The following PGAP1 variants were observed in gnomAD, a reference collection of about 807,000 sequenced individuals.
PGAP1 encodes the protein post-GPI attachment to proteins inositol deacylase 1, also known as GPI inositol-deacylase.
A neutral mutation model predicts 127.0 loss-of-function variants in PGAP1; 76 were observed. The ratio of observed to expected loss-of-function variants is 0.60; its 90% CI spans 0.50 to 0.72. The LOEUF is 0.72. Among genes scored for constraint, PGAP1 ranks in the 30% least tolerant of loss-of-function variants. The pLI is 0.00. For missense variants in PGAP1, 982 were observed against 1,071.3 expected, an observed-to-expected ratio of 0.92 and a Z score of 1.16; for synonymous variants, 362 against 366.5, an observed-to-expected ratio of 0.99 and a Z score of 0.14.
At chr2:196,848,165 A>G (rs1426416459) in intron 20 of PGAP1, 128 bp from the exon 21 acceptor site, 1 of 477,516 alleles carries the variant, frequency 2.1e-6, no homozygotes, top group Non-Finnish European at 3.6e-6. Context: ...ACTATCACAG[A>G]GACTCTTCTT....
At chr2:196,876,079 A>G (rs950629083) in intron 13 of PGAP1, among the ~76,000 whole-genome samples, 1 of 152,150 alleles carries the variant, frequency 6.6e-6, no homozygotes, top group Non-Finnish European at 1.5e-5. Flanking sequence ...ACAGATTCAT[A>G]GCAGTTTTTT....
intron 10 of PGAP1, 24 bp downstream of exon 10, chr2:196,890,804 C>T: frequency 7.3e-7 from 1 of 1,368,236 alleles, no homozygotes; most frequent in Non-Finnish European, 1.0e-6. Flanking sequence ...CTTAAATTTA[C>T]ATAAAATGTA....
In PGAP1 at chr2:196,847,141, A is replaced by G; in HGVS notation, c.2012T>C (p.Ile671Thr). The change falls in exon 22 of 27, where the codon ATT (isoleucine) becomes ACT (threonine). Residue 671 changes from isoleucine (I) to threonine (T), a missense_variant. By Grantham distance (89) the Ile-to-Thr change is moderately conservative. Coordinates refer to ENST00000354764, the MANE Select transcript of PGAP1 (RefSeq NM_024989.4). ...GAAACACATACTCTGACAAGTTAAA[A>G]TGACGGCATCTAATTCTGGTAACAA... ...VLLLPELDAV[I>T]LTCQSMCFPL... is the part of the protein sequence containing the mutation. 1 of 1,613,326 alleles carries G rather than the reference A, an allele frequency of 6.2e-7. No homozygotes were observed. Among genetic ancestry groups the G allele is most frequent in the Non-Finnish European group, 8.5e-7 (1 of 1,179,514 alleles).
At chr2:196,866,901 T>C (rs984426641) in intron 19 of PGAP1, among the ~76,000 whole-genome samples, 3 of 151,894 alleles carry the variant, frequency 2.0e-5, no homozygotes, top group Non-Finnish European at 2.9e-5. Flanking sequence ...CATCGTCTGG[T>C]CATTAGAGAA....
At chr2:196,847,463 T>TA (rs1433737043) in intron 21 of PGAP1, 1 of 221,120 alleles carries the variant, frequency 4.5e-6, no homozygotes, top group African/African-American at 2.3e-5. Flanking sequence ...ATGTTCTTTT[T>TA]TTTTTTTTTT....
At chr2:196,880,536 T>C (rs1701697644) in intron 12 of PGAP1, among the ~76,000 whole-genome samples, 1 of 152,174 alleles carries the variant, frequency 6.6e-6, no homozygotes, top group East Asian at 1.9e-4. Context: ...TGGTAGTATA[T>C]AACACAAAAC....
intron 20 of PGAP1, among the ~76,000 whole-genome samples, chr2:196,850,062 C>A (rs1700672878): frequency 6.6e-6 from 1 of 152,106 alleles, no homozygotes; most frequent in Non-Finnish European, 1.5e-5. Flanking sequence ...TATGTATTTC[C>A]TCATCTTTTT....
At chr2:196,884,186 A>T (rs896600012) in intron 12 of PGAP1, among the ~76,000 whole-genome samples, 16 of 152,196 alleles carry the variant, frequency 1.1e-4, no homozygotes, top group Non-Finnish European at 2.1e-4. Flanking sequence ...TGGATAGAAC[A>T]TCCAAATTAA....
chr2:196,880,662 C>T (rs1001680739), intron 12 of PGAP1, among the ~76,000 whole-genome samples: 2 of 152,102 alleles, frequency 1.3e-5, no homozygotes, highest in South Asian at 4.1e-4. Context: ...GGCATATCTG[C>T]ACATCATCCC....
chr2:196,913,120 C>G (rs1702888042), intron 3 of PGAP1, 67 bp from the exon 4 acceptor site: 2 of 1,449,368 alleles, frequency 1.4e-6, no homozygotes, highest in East Asian at 4.6e-5. Flanking sequence ...AAATATTTCT[C>G]TCTGCATATG....
At chr2:196,912,588 A>T (rs1576194828) in intron 4 of PGAP1, among the ~76,000 whole-genome samples, 1 of 122,370 alleles carries the variant, frequency 8.2e-6, no homozygotes, top group Non-Finnish European at 1.7e-5. Context: ...TTTAAAAAAA[A>T]AAAAAAAAAA....
At chr2:196,861,507 C>T (rs1559338787) in intron 20 of PGAP1, among the ~76,000 whole-genome samples, 1 of 152,116 alleles carries the variant, frequency 6.6e-6, no homozygotes. Flanking sequence ...TAAAAGTGGC[C>T]AAAAGATCTG....
intron 3 of PGAP1, among the ~76,000 whole-genome samples, chr2:196,913,456 A>G (rs56964997): frequency 0.1 from 15,528 of 152,286 alleles, 944 homozygotes; most frequent in African/African-American, 0.17. Context: ...AGACAATTAC[A>G]GTTGCGATAG....
chr2:196,878,457 C>T (rs1340585915), intron 13 of PGAP1, among the ~76,000 whole-genome samples: 5 of 152,148 alleles, frequency 3.3e-5, no homozygotes, highest in African/African-American at 7.2e-5. Context: ...TTAGATGGCG[C>T]GTCCTCATTA....
chr2:196,914,254 T>G (rs545575309), intron 3 of PGAP1, among the ~76,000 whole-genome samples: 1 of 152,302 alleles, frequency 6.6e-6, no homozygotes, highest in African/African-American at 2.4e-5. Context: ...CTCTTAAAAA[T>G]AAAAATAACT....
intron 13 of PGAP1, among the ~76,000 whole-genome samples, chr2:196,876,981 T>G (rs1224948456): frequency 2.0e-5 from 3 of 152,094 alleles, no homozygotes; most frequent in Admixed American, 1.3e-4. Context: ...GATTACTCAT[T>G]ACATTTTTTA....
chr2:196,897,519 T>C lies in PGAP1; in HGVS notation c.861-322A>G, dbSNP rs573583140. 1.5e-3 allele frequency among the ~76,000 whole-genome samples: 234 copies of C among 152,304 alleles called. 1 individual carries two copies. Among genetic ancestry groups the C allele is most frequent in the African/African-American group, 5.3e-3 (222 of 41,562 alleles). On this transcript the variant is annotated intron_variant, in intron 6 of 26. Coordinates refer to ENST00000354764, the MANE Select transcript of PGAP1 (RefSeq NM_024989.4). The stretch of plus-strand genomic sequence containing the variant: ...TGAAGTATGTCATTCTAGCAGATAC[T>C]ACTGCTCGCACAGCCAGAGAAAAGT...
intron 19 of PGAP1, among the ~76,000 whole-genome samples, chr2:196,870,165 CT>C (rs1335503619): frequency 3.3e-5 from 5 of 152,042 alleles, no homozygotes; most frequent in Admixed American, 2.0e-4. Flanking sequence ...TTATGTTTAC[CT>C]TTTACAAACT....
At position 196,840,224 on chromosome 2, in the gene PGAP1, CA is replaced by C. The variant is rs1219658752; in HGVS notation, c.*1009del. On this transcript the variant is annotated 3_prime_UTR_variant, in exon 27 of 27. Coordinates refer to ENST00000354764, the MANE Select transcript of PGAP1 (RefSeq NM_024989.4). ...TATACTCATGCTACTAATGGGTTAA[CA>C]GTTGTCTACTGATATTCCATTAATA... is the stretch of plus-strand genomic sequence containing the variant. 1 of 152,160 alleles carries C rather than the reference CA, an allele frequency of 6.6e-6. No individual in the cohort carries two copies. Among genetic ancestry groups the C allele is most frequent in the East Asian group, 1.9e-4 (1 of 5,200 alleles). The allele number at this position is 152,160 out of a possible 1,614,324, so 9.4% of individuals were successfully genotyped here.
Sources: allele counts gnomAD v4.1 joint callset (sites outside exome capture counted in the v4.1 genomes callset), GRCh38; gene constraint gnomAD v4.1.1; transcripts MANE v1.5; gene names NCBI Gene and HGNC (gene_info 2026-07-23, HGNC 2026-07-21).